The following IGF1R variants were observed in gnomAD, a reference collection of about 807,000 sequenced individuals.
IGF1R encodes the protein insulin-like growth factor 1 receptor.
A neutral mutation model predicts 144.6 loss-of-function variants in IGF1R; 44 were observed. The observed-to-expected ratio is 0.30, with a 90% CI of 0.24 to 0.39. The LOEUF (loss-of-function observed/expected upper bound fraction) is 0.39. Among genes scored for constraint, IGF1R ranks in the 10% least tolerant of loss-of-function variants. The pLI is 1.00. For synonymous variants in IGF1R, 795 were observed against 722.8 expected (o/e 1.10, Z -1.60); for missense variants, 1,355 against 1,833.7 (o/e 0.74, Z 4.77).
intron 2 of IGF1R, among the ~76,000 whole-genome samples, chr15:98,845,279 A>G (rs2011265914): frequency 6.6e-6 from 1 of 152,202 alleles, no homozygotes; most frequent in Non-Finnish European, 1.5e-5. Flanking sequence ...CAGATAGGGC[A>G]TGATAACCTT....
chr15:98,695,772 A>G (rs528753058), intron 1 of IGF1R, among the ~76,000 whole-genome samples: 11 of 151,770 alleles, frequency 7.2e-5, no homozygotes, highest in Non-Finnish European at 1.6e-4. Flanking sequence ...TGTTGATCTA[A>G]GTTCTCTGTT....
intron 2 of IGF1R, among the ~76,000 whole-genome samples, chr15:98,887,102 A>G (rs770964686): frequency 6.6e-6 from 1 of 152,144 alleles, no homozygotes; most frequent in African/African-American, 2.4e-5. Context: ...GTTGCTCTGT[A>G]TATAAAGAAA....
intron 1 of IGF1R, among the ~76,000 whole-genome samples, chr15:98,672,302 C>T (rs564813793): frequency 3.3e-5 from 5 of 152,270 alleles, no homozygotes; most frequent in South Asian, 4.1e-4. Context: ...CCATGGCTCA[C>T]GCCTGTAATC....
chr15:98,792,468 T>A (rs2056148790), intron 2 of IGF1R, among the ~76,000 whole-genome samples: 1 of 152,198 alleles, frequency 6.6e-6, no homozygotes, highest in African/African-American at 2.4e-5. Context: ...GCCTTTTGAT[T>A]TGATACCTAT....
At chr15:98,816,669 C>G (rs2056702081) in intron 2 of IGF1R, among the ~76,000 whole-genome samples, 1 of 152,214 alleles carries the variant, frequency 6.6e-6, no homozygotes, top group African/African-American at 2.4e-5. Flanking sequence ...AACCTTAAGA[C>G]TTGATGCTCC....
At chr15:98,753,277 C>T (rs964423374) in intron 2 of IGF1R, among the ~76,000 whole-genome samples, 1 of 149,872 alleles carries the variant, frequency 6.7e-6, no homozygotes, top group African/African-American at 2.5e-5. Flanking sequence ...CGTGCAGTGG[C>T]ACGATCTCGG....
intron 17 of IGF1R, among the ~76,000 whole-genome samples, chr15:98,938,333 G>C (rs989813421): frequency 2.6e-5 from 4 of 152,184 alleles, no homozygotes; most frequent in Admixed American, 1.3e-4. Context: ...AGAAAACCAA[G>C]GTGTAGAGTC....
At chr15:98,757,179 T>G (rs1331405163) in intron 2 of IGF1R, among the ~76,000 whole-genome samples, 1 of 152,138 alleles carries the variant, frequency 6.6e-6, no homozygotes, top group Non-Finnish European at 1.5e-5. Context: ...TTTTTTTTTT[T>G]GAGACAGAGT....
Position 98,854,357 on chromosome 15 carries a change from A to T in IGF1R, c.641-36968A>T, listed in dbSNP as rs77977993. On this transcript the variant is annotated intron_variant, in intron 2 of 20. Transcript: ENST00000650285. The stretch of plus-strand genomic sequence containing the variant: ...TGGGTGTCCCCTGCCTGAGATGAGC[A>T]CAGTGATGTCTATGCGAGGTTGTAG... Among the ~76,000 whole-genome samples, 99 of 152,306 alleles carry T rather than the reference A, an allele frequency of 6.5e-4. No individual in the cohort carries two copies. In the East Asian group the frequency reaches 0.012, roughly 18 times the overall value.
chr15:98,906,941 G>T (rs1044185810), intron 5 of IGF1R, among the ~76,000 whole-genome samples: 9 of 152,252 alleles, frequency 5.9e-5, no homozygotes, highest in Non-Finnish European at 1.2e-4. Flanking sequence ...TGTGGACAGA[G>T]AGCCCAGTGC....
intron 1 of IGF1R, among the ~76,000 whole-genome samples, chr15:98,682,692 C>T (rs2053222914): frequency 6.6e-6 from 1 of 151,986 alleles, no homozygotes. Flanking sequence ...GGATTACAGG[C>T]ACGTGCCACC....
chr15:98,685,821 C>T (rs1401991984), intron 1 of IGF1R, among the ~76,000 whole-genome samples: 1 of 152,206 alleles, frequency 6.6e-6, no homozygotes, highest in Non-Finnish European at 1.5e-5. Context: ...CCGCAGCCTC[C>T]TTGGGTGGTG....
rs2151738993 is a variant in IGF1R at position 98,957,455 on chromosome 15, G to C, written c.*13G>C. 1 of 1,612,722 alleles carries C rather than the reference G, an allele frequency of 6.2e-7. No homozygotes were observed. Among genetic ancestry groups the C allele is most frequent in the East Asian group, 2.2e-5 (1 of 44,868 alleles). On this transcript the variant is annotated 3_prime_UTR_variant, in exon 21 of 21. Transcript: ENST00000650285. ...TTCGACCTGCTGATCCTTGGATCCT[G>C]AATCTGTGCAAACAGTAACGTGTGC...
chr15:98,934,967 A>G lies in IGF1R; in HGVS notation c.3100A>G (p.Thr1034Ala). 6.2e-7 allele frequency: 1 copy of G among 1,614,178 alleles called. No individual in the cohort carries two copies. The highest frequency in any genetic ancestry group is 1.7e-5 in the Admixed American group (1 of 60,026). The change falls in exon 16 of 21, where the codon ACA (threonine) becomes GCA (alanine). Residue 1034 changes from threonine (T) to alanine (A), a missense_variant. Transcript: ENST00000650285. ...ACCTGAAACCAGAGTGGCCATTAAA[A>G]CAGTGAACGAGGCCGCAAGCATGCG... Reference protein sequence around the residue: ...DEPETRVAIKTVNEAASMRER... With the variant: ...DEPETRVAIKAVNEAASMRER...
chr15:98,695,660 T>C (rs1289729167), intron 1 of IGF1R, among the ~76,000 whole-genome samples: 1 of 152,184 alleles, frequency 6.6e-6, no homozygotes, highest in Non-Finnish European at 1.5e-5. Context: ...CTCAGAAATG[T>C]GCAGCTCCAC....
At chr15:98,767,641 G>GT (rs1053014664) in intron 2 of IGF1R, among the ~76,000 whole-genome samples, 9 of 152,338 alleles carry the variant, frequency 5.9e-5, no homozygotes, top group African/African-American at 2.2e-4. Context: ...TTTACCTTGA[G>GT]TTTTTTGAAA....
rs56020698 is a variant in IGF1R at position 98,957,361 on chromosome 15, C to G, written c.4023C>G (p.Asp1341Glu). The G allele has an allele frequency of 6.2e-7, 1 of 1,612,372 alleles. No homozygotes were observed. The highest frequency in any genetic ancestry group is 8.5e-7 in the Non-Finnish European group (1 of 1,179,032). Reference protein sequence around the residue: ...PGVLVLRASFDERQPYAHMNG... With the variant: ...PGVLVLRASFEERQPYAHMNG... ...TGCTGGTCCTCCGCGCCAGCTTCGA[C>G]GAGAGACAGCCTTACGCCCACATGA... The change falls in exon 21 of 21, where the codon GAC becomes GAG. Residue 1341 changes from aspartate (D) to glutamate (E), a missense_variant. By Grantham distance (45) the Asp-to-Glu change is conservative. This residue lies in a region of IGF1R where 219 missense variants were observed against 188.8 expected (regional missense o/e 1.16). Transcript: ENST00000650285.
At chr15:98,654,467 T>G (rs1414551278) in intron 1 of IGF1R, among the ~76,000 whole-genome samples, 1 of 152,216 alleles carries the variant, frequency 6.6e-6, no homozygotes, top group Non-Finnish European at 1.5e-5. Flanking sequence ...TCAGGAAGCA[T>G]TCATAATTTC....
At chr15:98,697,293 T>C (rs1219970214) in intron 1 of IGF1R, among the ~76,000 whole-genome samples, 3 of 152,220 alleles carry the variant, frequency 2.0e-5, no homozygotes, top group Non-Finnish European at 4.4e-5. Context: ...AACCTGCCAC[T>C]GTTCAGTTTG....
Sources: gnomAD v4.1 joint callset for allele counts (sites outside exome capture counted in the v4.1 genomes callset) on GRCh38, gnomAD v4.1.1 for gene constraint, gnomAD v4.1.1 regional missense constraint, MANE v1.5 for transcripts, NCBI Gene and HGNC (gene_info 2026-07-23, HGNC 2026-07-21) for gene names.